Variants in CLEC16A observed in about 807,000 individuals in gnomAD.
The protein encoded by CLEC16A is C-type lectin domain containing 16A, also known as protein CLEC16A.
A neutral mutation model predicts 109.5 loss-of-function variants in CLEC16A; 51 were observed. The observed-to-expected ratio is 0.47, with a 90% CI of 0.37 to 0.59. The LOEUF is 0.59. Among genes scored for constraint, CLEC16A ranks in the 20% least tolerant of loss-of-function variants. CLEC16A has a pLI of 0.00. For missense variants in CLEC16A, 1,339 were observed against 1,394.0 expected (o/e 0.96, Z 0.63); for synonymous variants, 673 against 564.2 (o/e 1.19, Z -2.73).
At chr16:11,158,606 T>G (rs193040746) in intron 22 of CLEC16A, among the ~76,000 whole-genome samples, 55 of 152,238 alleles carry the variant, frequency 3.6e-4, no homozygotes, top group African/African-American at 1.3e-3. Context: ...CCCCAAGGTA[T>G]GACAGACACC....
At position 10,985,220 on chromosome 16, in the gene CLEC16A, A is replaced by AATAT. The variant is rs57265284; in HGVS notation, c.1071+2243_1071+2246dup. 1.1e-3 allele frequency among the ~76,000 whole-genome samples: 113 copies of AATAT among 104,058 alleles called. 3 individuals carry two copies. The highest frequency in any genetic ancestry group is 5.3e-3 in the Middle Eastern group (1 of 190). 68.3% of individuals were successfully genotyped at this position (104,058 alleles called of 152,430 possible). On this transcript the variant is annotated intron_variant, in intron 10 of 23. Transcript: ENST00000409790. Reference sequence around the variant, plus strand: ...TCCATCTCAAAAAAAAAAAAAAAAAAATATATATATATATATAGTGCCCAT... The same window carrying AATAT: ...TCCATCTCAAAAAAAAAAAAAAAAAAATATATATATATATATATATAGTGCCCAT...
chr16:11,020,224 G>T lies in CLEC16A; in HGVS notation c.1335G>T (p.Lys445Asn). 6.2e-7 allele frequency: 1 copy of T among 1,613,388 alleles called. No individual in the cohort carries two copies. The highest frequency in any genetic ancestry group is 1.1e-5 in the South Asian group (1 of 90,996). The change falls in exon 12 of 24, where the codon AAG (lysine) becomes AAT (asparagine). Residue 445 changes from lysine to asparagine, a missense_variant. By Grantham distance (94) the Lys-to-Asn change is moderately conservative. Coordinates refer to ENST00000409790, the MANE Select transcript of CLEC16A (RefSeq NM_015226.3). ...AGATGGTGATCATGGAGCGTAGCAA[G>T]CTCTCAGAGCTGGCCGCCAGCACCT... ...EIEMVIMERS[K>N]LSELAASTSV...
At chr16:11,056,055 A>G (rs943697490) in intron 18 of CLEC16A, among the ~76,000 whole-genome samples, 4 of 152,214 alleles carry the variant, frequency 2.6e-5, no homozygotes, top group African/African-American at 7.2e-5. Flanking sequence ...CCAGCTGAGA[A>G]GGGAAATTCA....
At chr16:11,151,813 A>T (rs1161684819) in intron 22 of CLEC16A, among the ~76,000 whole-genome samples, 1 of 152,114 alleles carries the variant, frequency 6.6e-6, no homozygotes, top group African/African-American at 2.4e-5. Context: ...GTACTCAGCC[A>T]CTTTCGGGGG....
Position 11,167,641 on chromosome 16 carries a change from C to G in CLEC16A, c.2806+1089C>G, listed in dbSNP as rs563893317. On this transcript the variant is annotated intron_variant, in intron 23 of 23. Coordinates refer to ENST00000409790, the MANE Select transcript of CLEC16A (RefSeq NM_015226.3). ...TCAGAGCACCCCAACCCACCTGTGT[C>G]TCTCCCATCCACACACAATGTTACC... Among the ~76,000 whole-genome samples, 18 of 152,322 alleles carry G rather than the reference C, an allele frequency of 1.2e-4. No individual in the cohort carries two copies. In the East Asian group the frequency reaches 3.5e-3, roughly 29 times the overall value.
intron 18 of CLEC16A, among the ~76,000 whole-genome samples, chr16:11,054,060 C>T (rs890597284): frequency 1.4e-4 from 21 of 152,244 alleles, no homozygotes; most frequent in African/African-American, 4.6e-4. Flanking sequence ...GGCACCAACA[C>T]GGCAGTGATT....
chr16:11,061,592 T>C (rs2048482105), intron 19 of CLEC16A, among the ~76,000 whole-genome samples: 1 of 152,254 alleles, frequency 6.6e-6, no homozygotes, highest in Non-Finnish European at 1.5e-5. Flanking sequence ...AGCCTGACCG[T>C]GTTCCTGGAA....
Position 11,178,639 on chromosome 16 carries a change from C to CACG in CLEC16A, c.3111_3112insACG (p.Pro1037_Val1038insThr). ...CGCCGGCTGCCGCCTGCACAGAGCC[C>CACG]GTGGGCGAAGAGGCTGCATGTGCTG... On this transcript the variant is annotated inframe_insertion, in exon 24 of 24. Coordinates refer to ENST00000409790, the MANE Select transcript of CLEC16A (RefSeq NM_015226.3). The surrounding 1 kb of genome is among the most constrained non-coding windows in gnomAD (Gnocchi z 6.5). 1 of 1,583,256 alleles carries CACG rather than the reference C, an allele frequency of 6.3e-7. No homozygotes were observed. Among genetic ancestry groups the CACG allele is most frequent in the Non-Finnish European group, 8.6e-7 (1 of 1,169,334 alleles).
chr16:11,034,402 T>C (rs757927079), intron 13 of CLEC16A, among the ~76,000 whole-genome samples: 2 of 152,226 alleles, frequency 1.3e-5, no homozygotes, highest in Non-Finnish European at 2.9e-5. Context: ...ATTATTCTTA[T>C]GCATCTTTGG....
chr16:11,093,510 G>C (rs1021058102), intron 19 of CLEC16A, among the ~76,000 whole-genome samples: 1 of 152,166 alleles, frequency 6.6e-6, no homozygotes, highest in African/African-American at 2.4e-5. Flanking sequence ...CGGACTCAAG[G>C]GTTGGAAGGT....
chr16:11,081,893 G>A (rs1488167131), intron 19 of CLEC16A, among the ~76,000 whole-genome samples: 2 of 152,178 alleles, frequency 1.3e-5, no homozygotes, highest in Admixed American at 6.5e-5. Context: ...GTAGCCAGGT[G>A]TGGTGGCATG....
At chr16:11,160,551 A>C (rs564634815) in intron 22 of CLEC16A, among the ~76,000 whole-genome samples, 4 of 151,850 alleles carry the variant, frequency 2.6e-5, no homozygotes, top group Admixed American at 2.6e-4. Flanking sequence ...CCTAGATTCC[A>C]CCCAGCAGGT....
intron 22 of CLEC16A, among the ~76,000 whole-genome samples, chr16:11,164,918 A>G (rs565484071): frequency 3.3e-5 from 5 of 152,332 alleles, no homozygotes; most frequent in Non-Finnish European, 7.4e-5. Context: ...GGCAGGTGGC[A>G]TGAATGGGGT....
intron 19 of CLEC16A, among the ~76,000 whole-genome samples, chr16:11,078,353 A>G (rs968477480): frequency 6.6e-6 from 1 of 152,128 alleles, no homozygotes; most frequent in African/African-American, 2.4e-5. Flanking sequence ...AGTGTTGAGA[A>G]CCATGGGATT....
At chr16:10,952,464 A>C (rs1054650731) in intron 1 of CLEC16A, among the ~76,000 whole-genome samples, 3 of 152,270 alleles carry the variant, frequency 2.0e-5, no homozygotes, top group Admixed American at 2.0e-4. Context: ...ACTGCACTCC[A>C]GCCTGATGAC....
At chr16:11,144,047 C>G (rs2053952040) in intron 22 of CLEC16A, among the ~76,000 whole-genome samples, 1 of 152,180 alleles carries the variant, frequency 6.6e-6, no homozygotes, top group African/African-American at 2.4e-5. Context: ...AGTCATTGAC[C>G]TTAAATCTGC....
At chr16:11,137,370 C>T (rs950700377) in intron 22 of CLEC16A, among the ~76,000 whole-genome samples, 1 of 151,834 alleles carries the variant, frequency 6.6e-6, no homozygotes, top group Non-Finnish European at 1.5e-5. Flanking sequence ...TGATTTTTGC[C>T]TTAAAATCTC....
At chr16:10,957,653 T>A (rs2042053022) in intron 1 of CLEC16A, 129 bp from the exon 2 acceptor site, 4 of 894,036 alleles carry the variant, frequency 4.5e-6, no homozygotes, top group Middle Eastern at 2.6e-4. Flanking sequence ...CTAATCTGAA[T>A]GGGAAATTGC....
chr16:10,970,228 C>T (rs1195380978), intron 4 of CLEC16A, among the ~76,000 whole-genome samples: 1 of 152,202 alleles, frequency 6.6e-6, no homozygotes, highest in African/African-American at 2.4e-5. Flanking sequence ...TTCAACCCCT[C>T]ATGGTCACAG....
Sources: gnomAD v4.1 joint callset for allele counts (sites outside exome capture counted in the v4.1 genomes callset) on GRCh38, gnomAD v4.1.1 for gene constraint, Gnocchi (gnomAD v3.1) non-coding constraint, MANE v1.5 for transcripts, NCBI Gene and HGNC (gene_info 2026-07-23, HGNC 2026-07-21) for gene names.